The following PTPRN2 variants were observed in gnomAD, a reference collection of about 807,000 sequenced individuals.
PTPRN2 encodes the protein receptor-type tyrosine-protein phosphatase N2.
A neutral mutation model predicts 118.8 loss-of-function variants in PTPRN2; 74 were observed. The ratio of observed to expected loss-of-function variants is 0.62; its 90% CI spans 0.52 to 0.76. The LOEUF is 0.76. Among genes scored for constraint, PTPRN2 ranks in the 30% least tolerant of loss-of-function variants. PTPRN2 has a pLI of 0.00. For missense variants in PTPRN2, 1,481 were observed against 1,394.4 expected, an observed-to-expected ratio of 1.06 and a Z score of -0.99; for synonymous variants, 641 against 608.0, an observed-to-expected ratio of 1.05 and a Z score of -0.80.
intron 12 of PTPRN2, among the ~76,000 whole-genome samples, chr7:157,824,246 C>T (rs1329271988): frequency 2.6e-5 from 4 of 152,158 alleles, no homozygotes; most frequent in Admixed American, 6.5e-5. Context: ...CAGAGAGTCA[C>T]CCTCCTGAAG....
intron 14 of PTPRN2, among the ~76,000 whole-genome samples, chr7:157,625,338 TATCA>T (rs1803499983): frequency 6.6e-6 from 1 of 152,226 alleles, no homozygotes. Flanking sequence ...CCCAAATGCT[TATCA>T]ATCAATGAGA....
intron 2 of PTPRN2, among the ~76,000 whole-genome samples, chr7:158,337,278 C>T (rs1805802301): frequency 6.6e-6 from 1 of 151,598 alleles, no homozygotes; most frequent in Non-Finnish European, 1.5e-5. Context: ...CACTCAAACT[C>T]ACACTCTCAC....
chr7:158,307,587 T>C (rs187103405), intron 3 of PTPRN2, among the ~76,000 whole-genome samples: 1 of 152,192 alleles, frequency 6.6e-6, no homozygotes, highest in East Asian at 1.9e-4. Context: ...AGACACTCAA[T>C]GAACTCCAAG....
chr7:158,230,236 G>C (rs1354633685), intron 3 of PTPRN2, among the ~76,000 whole-genome samples: 3 of 152,118 alleles, frequency 2.0e-5, no homozygotes, highest in Non-Finnish European at 4.4e-5. Flanking sequence ...TACTAGTCCT[G>C]TGTTACAAAT....
In PTPRN2 at chr7:157,610,699, G is replaced by C. The variant is rs558932611; in HGVS notation, c.2345-6624C>G. 5.6e-4 allele frequency among the ~76,000 whole-genome samples: 85 copies of C among 152,348 alleles called. No homozygotes were observed. The highest frequency in any genetic ancestry group is 9.0e-4 in the Non-Finnish European group (61 of 68,038). ...CGGACCACGTTTGTTTCAATACTCT[G>C]AGAAGCTACATGGGCTTGATTCTTT... is the stretch of plus-strand genomic sequence containing the variant. On this transcript the variant is annotated intron_variant, in intron 15 of 22. Transcript: ENST00000389418. The surrounding 1 kb of genome is among the most constrained non-coding windows in gnomAD (Gnocchi z 5.1).
At chr7:158,090,984 G>A (rs984676947) in intron 10 of PTPRN2, among the ~76,000 whole-genome samples, 14 of 152,176 alleles carry the variant, frequency 9.2e-5, no homozygotes, top group Admixed American at 5.9e-4. Flanking sequence ...CCAACCGTCC[G>A]GTTGAGAATG....
At chr7:158,330,930 C>G (rs1274186328) in intron 2 of PTPRN2, among the ~76,000 whole-genome samples, 3 of 110,578 alleles carry the variant, frequency 2.7e-5, no homozygotes, top group African/African-American at 1.1e-4. Flanking sequence ...CACTCACACC[C>G]ACACTCTCAC....
At chr7:157,923,587 G>T (rs1428649511) in intron 11 of PTPRN2, among the ~76,000 whole-genome samples, 1 of 152,120 alleles carries the variant, frequency 6.6e-6, no homozygotes, top group Non-Finnish European at 1.5e-5. Flanking sequence ...ATTATTTGGG[G>T]GCAAACGTCC....
chr7:158,071,268 G>A lies in PTPRN2; in HGVS notation c.1723+10030C>T, dbSNP rs1362321998. ...TCGTAGTATGGAGGTGCCCGTGGTG[G>A]TGGAGGTGCCCGTGGTGGTGGAGGT... On this transcript the variant is annotated intron_variant, in intron 11 of 22. Coordinates refer to ENST00000389418, the MANE Select transcript of PTPRN2 (RefSeq NM_002847.5). 2.7e-3 allele frequency among the ~76,000 whole-genome samples: 133 copies of A among 48,490 alleles called. 6 individuals are homozygous for A. Among genetic ancestry groups the A allele is most frequent in the East Asian group, 5.3e-3 (3 of 566 alleles). The allele number at this position is 48,490 out of a possible 152,430, so 31.8% of individuals were successfully genotyped here.
intron 1 of PTPRN2, chr7:158,539,758 A>G: frequency 1.2e-5 from 3 of 250,160 alleles, no homozygotes; most frequent in South Asian, 7.2e-5. Flanking sequence ...GACAGCTGGA[A>G]CCGGACGGTG....
At chr7:158,131,747 A>G (rs1264170047) in intron 9 of PTPRN2, among the ~76,000 whole-genome samples, 2 of 151,956 alleles carry the variant, frequency 1.3e-5, no homozygotes, top group East Asian at 3.9e-4. Flanking sequence ...ACTCATACAC[A>G]CACATGCACA....
At chr7:158,351,943 A>C (rs71547531) in intron 2 of PTPRN2, among the ~76,000 whole-genome samples, 3 of 9,832 alleles carry the variant, frequency 3.1e-4, no homozygotes, top group Non-Finnish European at 6.5e-4. Context: ...TCCCCTCCTG[A>C]CCGCTCCCCT....
At chr7:158,070,741 G>GTA (rs1811265192) in intron 11 of PTPRN2, among the ~76,000 whole-genome samples, 1 of 132,940 alleles carries the variant, frequency 7.5e-6, no homozygotes, top group African/African-American at 3.3e-5. Context: ...GCCCGTGGTG[G>GTA]TGGAGGTGCC....
intron 6 of PTPRN2, among the ~76,000 whole-genome samples, chr7:158,147,981 T>A (rs148509372): frequency 2.5e-5 from 1 of 39,428 alleles, no homozygotes; most frequent in Non-Finnish European, 5.2e-5. Flanking sequence ...TCCCCCTCAA[T>A]GACACACCAT....
intron 12 of PTPRN2, among the ~76,000 whole-genome samples, chr7:157,739,828 G>A (rs1467699641): frequency 6.6e-6 from 1 of 152,202 alleles, no homozygotes; most frequent in African/African-American, 2.4e-5. Flanking sequence ...ACCTCCCAAG[G>A]TGACCGCAAG....
At chr7:158,018,966 C>CA (rs753498681) in intron 11 of PTPRN2, among the ~76,000 whole-genome samples, 6,849 of 65,612 alleles carry the variant, frequency 0.1, 241 homozygotes, top group Non-Finnish European at 0.13. Context: ...GTTTCAAAAA[C>CA]AAAAAAAAAA....
At chr7:158,316,163 T>C (rs1308023776) in intron 3 of PTPRN2, among the ~76,000 whole-genome samples, 1 of 152,166 alleles carries the variant, frequency 6.6e-6, no homozygotes, top group Non-Finnish European at 1.5e-5. Flanking sequence ...GGAATGGTCC[T>C]TGCTGGACTA....
intron 11 of PTPRN2, among the ~76,000 whole-genome samples, chr7:158,002,477 G>A (rs886113261): frequency 5.3e-5 from 8 of 152,180 alleles, no homozygotes; most frequent in Non-Finnish European, 8.8e-5. Context: ...TACAGTGGAC[G>A]GCGCCTCGTG....
intron 2 of PTPRN2, among the ~76,000 whole-genome samples, chr7:158,476,111 C>A (rs1820239426): frequency 6.6e-6 from 1 of 152,148 alleles, no homozygotes; most frequent in African/African-American, 2.4e-5. Context: ...CTCAAGTGAT[C>A]CTCCCACCTC....
Sources: allele counts gnomAD v4.1 joint callset (sites outside exome capture counted in the v4.1 genomes callset), GRCh38; gene constraint gnomAD v4.1.1; non-coding constraint Gnocchi (gnomAD v3.1); transcripts MANE v1.5; gene names NCBI Gene and HGNC (gene_info 2026-07-23, HGNC 2026-07-21).